SH2D5: variants seen among roughly 807,000 people sequenced by gnomAD.
The protein encoded by SH2D5 is SH2 domain-containing protein 5.
In SH2D5, 45 loss-of-function variants were observed where a neutral mutation model predicts 48.2. That is an observed-to-expected ratio of 0.93 (90% CI 0.73 to 1.20). The LOEUF (loss-of-function observed/expected upper bound fraction) is 1.20. Among genes scored for constraint, SH2D5 ranks in the 50% most tolerant of loss-of-function variants. SH2D5 has a pLI of 0.00. For synonymous variants in SH2D5, 230 were observed against 249.8 expected, an observed-to-expected ratio of 0.92 and a Z score of 0.75; for missense variants, 538 against 584.1, an observed-to-expected ratio of 0.92 and a Z score of 0.81.
rs1423158851 is a variant in SH2D5, at chr1:20,729,832, C to T, written c.-42-1746G>A. 1.3e-5 allele frequency among the ~76,000 whole-genome samples: 2 copies of T among 152,334 alleles called. No homozygotes were observed. Among genetic ancestry groups the T allele is most frequent in the East Asian group, 3.9e-4 (2 of 5,186 alleles). On this transcript the variant is annotated intron_variant, in intron 1 of 9. Transcript: ENST00000444387. This position sits in a 1 kb window ranked among gnomAD's most constrained non-coding sequence, Gnocchi z 4.2. ...GCACCGATCCACTTTCAGTGAGCAG[C>T]CAGGAGCCAGAAAAAAAATGCTGCA...
rs528935255 is a variant in SH2D5 at position 20,725,869 on chromosome 1, G to A, written c.390+51C>T. The A allele has an allele frequency of 2.1e-4, 333 of 1,599,592 alleles. 1 individual carries two copies. In the South Asian group the frequency reaches 3.2e-3, roughly 15 times the overall value. On this transcript the variant is annotated intron_variant, in intron 5 of 9. Coordinates refer to ENST00000444387, the MANE Select transcript of SH2D5 (RefSeq NM_001103161.2). ...CAAGGAACCCACCCTGATGCCTGGC[G>A]CACAGCCCCTCCGGCCTCCGTGGCG... is the stretch of plus-strand genomic sequence containing the variant.
At position 20,722,816 on chromosome 1, in the gene SH2D5, C is replaced by T. The variant is rs745620710; in HGVS notation, c.1008G>A (p.Thr336=). The T allele has an allele frequency of 1.8e-5, 29 of 1,601,370 alleles. No homozygotes were observed. Among genetic ancestry groups the T allele is most frequent in the South Asian group, 1.8e-4 (16 of 89,218 alleles). ...CCTGGTGGGGCACCACGCCGCACTG[C>T]GTGCGCACGGACAGACACCACTGGC... The part of the protein sequence containing the change: ...ASGQWCLSVR[T]QCGVVPHQVF... Residue 336 remains threonine, a synonymous_variant, in exon 9 of 10, where the codon ACG becomes ACA. Coordinates refer to ENST00000444387, the MANE Select transcript of SH2D5 (RefSeq NM_001103161.2).
rs1383486508 is a variant in SH2D5 at position 20,728,281 on chromosome 1, T to A, written c.-42-195A>T. ...ACTGCCCTCAGGGAGCTTACTTACA[T>A]TGTTGCTGGGGAGAAAGACATTGAA... On this transcript the variant is annotated intron_variant, in intron 1 of 9. Transcript: ENST00000444387. The surrounding 1 kb of genome is among the most constrained non-coding windows in gnomAD (Gnocchi z 4.3). Among the ~76,000 whole-genome samples the A allele has an allele frequency of 1.3e-4, 20 of 152,108 alleles. No homozygotes were observed. Among genetic ancestry groups the A allele is most frequent in the Admixed American group, 1.3e-3 (20 of 15,280 alleles).
At position 20,722,822 on chromosome 1, in the gene SH2D5, C is replaced by T; in HGVS notation, c.1002G>A (p.Val334=). 1.2e-6 allele frequency: 2 copies of T among 1,603,874 alleles called. No individual in the cohort carries two copies. The highest frequency in any genetic ancestry group is 1.7e-6 in the Non-Finnish European group (2 of 1,175,824). ...GGGGCACCACGCCGCACTGCGTGCG[C>T]ACGGACAGACACCACTGGCCGCTAG... The part of the protein sequence containing the change: ...LGASGQWCLS[V]RTQCGVVPHQ... The change falls in exon 9 of 10, where the codon GTG becomes GTA. Residue 334 remains valine (V), a synonymous_variant. Transcript: ENST00000444387.
intron 8 of SH2D5, among the ~76,000 whole-genome samples, chr1:20,723,309 G>A (rs1004633931): frequency 1.3e-5 from 2 of 152,260 alleles, no homozygotes; most frequent in African/African-American, 4.8e-5. Flanking sequence ...TGTTAGCAAT[G>A]TCAAGACTCT....
intron 1 of SH2D5, among the ~76,000 whole-genome samples, chr1:20,730,585 T>C (rs2054890115): frequency 6.6e-6 from 1 of 152,114 alleles, no homozygotes; most frequent in Non-Finnish European, 1.5e-5. Flanking sequence ...AGTTCCTCCC[T>C]CCTTCCTAAG....
At position 20,723,638 on chromosome 1, in the gene SH2D5, G is replaced by C. The variant is rs1439685258; in HGVS notation, c.896C>G (p.Ala299Gly). The C allele has an allele frequency of 6.2e-7, 1 of 1,612,546 alleles. No homozygotes were observed. The highest frequency in any genetic ancestry group is 8.5e-7 in the Non-Finnish European group (1 of 1,179,756). Residue 299 changes from alanine to glycine, a missense_variant, in exon 8 of 10, where the codon GCT becomes GGT. Transcript: ENST00000444387. ...AGGCCCTTCCTACCTGGAGATGCCA[G>C]CGAAGGCCCAGATGTTCTCCGTCAG... ...GSLTENIWAF[A>G]GISRPCALAL...
intron 5 of SH2D5, among the ~76,000 whole-genome samples, chr1:20,724,899 G>A (rs1335504358): frequency 6.6e-6 from 1 of 152,202 alleles, no homozygotes; most frequent in Admixed American, 6.5e-5. Context: ...ATGGAAGCGT[G>A]AGCTCATGCA....
intron 4 of SH2D5, 132 bp from the exon 5 acceptor site, chr1:20,726,198 G>T: frequency 8.7e-7 from 1 of 1,154,444 alleles, no homozygotes; most frequent in Non-Finnish European, 1.2e-6. Flanking sequence ...TCCTTCACAT[G>T]GGCCCTGGGG....
In SH2D5 at chr1:20,728,054, G is replaced by A. The variant is rs537721365; in HGVS notation, c.-10C>T. The A allele has an allele frequency of 7.6e-5, 117 of 1,532,994 alleles. No individual in the cohort carries two copies. In the African/African-American group the frequency reaches 1.4e-3, roughly 18 times the overall value. 95.0% of individuals were successfully genotyped at this position (1,532,994 alleles called of 1,614,324 possible). Reference sequence around the variant, plus strand: ...CCCCCGCCTTCTGCATGGCCCCCAGGGTGCCTGGCTTCCAGCTCCACGGGA... The same window carrying A: ...CCCCCGCCTTCTGCATGGCCCCCAGAGTGCCTGGCTTCCAGCTCCACGGGA... On this transcript the variant is annotated 5_prime_UTR_variant, in exon 2 of 10. Transcript: ENST00000444387. This position sits in a 1 kb window ranked among gnomAD's most constrained non-coding sequence, Gnocchi z 4.3.
Position 20,732,123 on chromosome 1 carries a change from A to T in SH2D5, c.-43+58T>A, listed in dbSNP as rs1422104855. ...CCGACCCCGGTCCCCGCGCCCCCACACGTGGCCGCGGGAACCGACCCCCGG... is the reference window on the plus strand; with the variant it reads ...CCGACCCCGGTCCCCGCGCCCCCACTCGTGGCCGCGGGAACCGACCCCCGG... On this transcript the variant is annotated intron_variant, in intron 1 of 9. Transcript: ENST00000444387. The surrounding 1 kb of genome is among the most constrained non-coding windows in gnomAD (Gnocchi z 5.1). 1.3e-5 allele frequency: 2 copies of T among 150,684 alleles called. No individual in the cohort carries two copies. The highest frequency in any genetic ancestry group is 3.0e-5 in the Non-Finnish European group (2 of 67,584). 9.3% of individuals were successfully genotyped at this position (150,684 alleles called of 1,614,324 possible). A position where few individuals can be genotyped will look rare whatever the true frequency, so the allele number is the denominator to read the frequency against.
intron 4 of SH2D5, among the ~76,000 whole-genome samples, chr1:20,726,319 T>C (rs922111067): frequency 6.6e-6 from 1 of 151,978 alleles, no homozygotes; most frequent in Non-Finnish European, 1.5e-5. Context: ...GTGACTGGGG[T>C]GCGAATCCTG....
Position 20,727,537 on chromosome 1 carries a change from G to A in SH2D5, c.154C>T (p.Leu52=), listed in dbSNP as rs746900300. ...AGGCCACCCACCTTCAGCGCCCACA[G>A]CTGCTGCTGCACCAGCCACACGCTC... ...QESVWLVQQQ[L]WALKDCPRRR... Residue 52 remains leucine, a synonymous_variant, in exon 3 of 10, where the codon CTG becomes TTG. Coordinates refer to ENST00000444387, the MANE Select transcript of SH2D5 (RefSeq NM_001103161.2). The A allele has an allele frequency of 2.5e-6, 4 of 1,605,912 alleles. No individual in the cohort carries two copies. In the South Asian group the frequency reaches 3.4e-5, roughly 14 times the overall value.
At chr1:20,724,679 C>T in intron 5 of SH2D5, 44 bp from the exon 6 acceptor site, 1 of 1,485,904 alleles carries the variant, frequency 6.7e-7, no homozygotes, top group Non-Finnish European at 8.9e-7. Flanking sequence ...AGGAGGTCTC[C>T]ATCTCCCAGT....
chr1:20,725,158 G>C (rs1160066817), intron 5 of SH2D5, among the ~76,000 whole-genome samples: 2 of 152,236 alleles, frequency 1.3e-5, no homozygotes, highest in Non-Finnish European at 2.9e-5. Context: ...CACAGGCCCA[G>C]TGCTTGTCGG....
In SH2D5 at chr1:20,728,131, C is replaced by T. The variant is rs1557619620; in HGVS notation, c.-42-45G>A. On this transcript the variant is annotated intron_variant, in intron 1 of 9. Coordinates refer to ENST00000444387, the MANE Select transcript of SH2D5 (RefSeq NM_001103161.2). The surrounding 1 kb of genome is among the most constrained non-coding windows in gnomAD (Gnocchi z 4.3). ...AAGGGCTGCTTTCGAGGCAGGCAAG[C>T]CACAGAGTGCCCCCCACAGGCCATT... 1 of 891,386 alleles carries T rather than the reference C, an allele frequency of 1.1e-6. No individual in the cohort carries two copies. Among genetic ancestry groups the T allele is most frequent in the Non-Finnish European group, 1.7e-6 (1 of 577,226 alleles). 55.2% of individuals were successfully genotyped at this position (891,386 alleles called of 1,614,324 possible).
chr1:20,723,898 C>T lies in SH2D5; in HGVS notation c.800-164G>A, dbSNP rs113913434. 5.7e-3 allele frequency among the ~76,000 whole-genome samples: 869 copies of T among 152,378 alleles called. 4 individuals are homozygous for T. Among genetic ancestry groups the T allele is most frequent in the African/African-American group, 0.02 (814 of 41,594 alleles). ...CCGCCCGACAGTTCTGGTCCATACA[C>T]GGCTGTACACAGTCCCCTTTGCACA... is the stretch of plus-strand genomic sequence containing the variant. On this transcript the variant is annotated intron_variant, in intron 7 of 9. Transcript: ENST00000444387.
intron 7 of SH2D5, 30 bp from the exon 8 acceptor site, chr1:20,723,764 G>C: frequency 6.4e-7 from 1 of 1,572,348 alleles, no homozygotes; most frequent in Non-Finnish European, 8.7e-7. Flanking sequence ...GTCAGAAGGA[G>C]AGTGGCCGAG....
In SH2D5 at chr1:20,724,472, C is replaced by T. The variant is rs368917315; in HGVS notation, c.554G>A (p.Arg185His). ...ATGGACGTTCTGAGAGAGCTGATCA[C>T]GGCCGAAGGGCTCCCGCACCAGGCC... is the stretch of plus-strand genomic sequence containing the variant. ...SGGLVREPFG[R>H]DQLSQNVHAL... The change falls in exon 6 of 10, where the codon CGT (arginine) becomes CAT (histidine). Residue 185 changes from arginine to histidine, a missense_variant. Transcript: ENST00000444387. 22 of 1,612,764 alleles carry T rather than the reference C, an allele frequency of 1.4e-5. No individual in the cohort carries two copies. The highest frequency in any genetic ancestry group is 4.0e-5 in the African/African-American group (3 of 74,942).
Sources: allele counts gnomAD v4.1 joint callset (sites outside exome capture counted in the v4.1 genomes callset), GRCh38; gene constraint gnomAD v4.1.1; non-coding constraint Gnocchi (gnomAD v3.1); transcripts MANE v1.5; gene names NCBI Gene and HGNC (gene_info 2026-07-23, HGNC 2026-07-21).